Variants in EXTL3 observed in about 807,000 individuals in gnomAD.
EXTL3 encodes the protein exostosin-like 3.
Under a neutral mutation model 69.3 loss-of-function variants are expected in EXTL3, and 27 were observed. The ratio of observed to expected loss-of-function variants is 0.39; its 90% confidence interval spans 0.29 to 0.54. The LOEUF (loss-of-function observed/expected upper bound fraction) is 0.54, where lower values mean the gene tolerates loss of function less well. Among genes scored for constraint, EXTL3 ranks in the 20% least tolerant of loss-of-function variants. The pLI is 0.69. For missense variants in EXTL3, 1,003 were observed against 1,231.8 expected (o/e 0.81, Z 2.78); for synonymous variants, 511 against 499.4 (o/e 1.02, Z -0.31).
intron 1 of EXTL3, among the ~76,000 whole-genome samples, chr8:28,706,340 C>T (rs1398678128): frequency 1.3e-5 from 2 of 152,188 alleles, no homozygotes; most frequent in Non-Finnish European, 1.5e-5. Context: ...ACAAGAGTAC[C>T]TGCCACATTG....
chr8:28,647,253 C>T (rs929520014), intron 1 of EXTL3, among the ~76,000 whole-genome samples: 2 of 151,932 alleles, frequency 1.3e-5, no homozygotes, highest in Non-Finnish European at 2.9e-5. Context: ...TACAGGTTCC[C>T]GCCACCATGC....
At chr8:28,745,091 A>T (rs904476288) in intron 6 of EXTL3, among the ~76,000 whole-genome samples, 5 of 152,140 alleles carry the variant, frequency 3.3e-5, no homozygotes, top group African/African-American at 9.7e-5. Flanking sequence ...TCAGCTACTC[A>T]GGAGGCTGAG....
In EXTL3 at chr8:28,750,163, T is replaced by C. The variant is rs1801973948; in HGVS notation, c.2551-494T>C. ...AATTAATAATAATATGACTAGACTG[T>C]AGTATGGCCACTTTCCCATGGCTTT... On this transcript the variant is annotated intron_variant, in intron 6 of 6. Transcript: ENST00000220562. This position sits in a 1 kb window ranked among gnomAD's most constrained non-coding sequence, Gnocchi z 5.2. Among the ~76,000 whole-genome samples, 1 of 152,244 alleles carries C rather than the reference T, an allele frequency of 6.6e-6. No homozygotes were observed. Among genetic ancestry groups the C allele is most frequent in the Admixed American group, 6.5e-5 (1 of 15,288 alleles).
At chr8:28,621,518 A>G (rs1344587788), upstream of EXTL3, among the ~76,000 whole-genome samples, 1 of 152,244 alleles carries the variant, frequency 6.6e-6, no homozygotes, top group Non-Finnish European at 1.5e-5. Context: ...CAGCAGCGCT[A>G]GCTAACCAAT....
In EXTL3 at chr8:28,731,266, C is replaced by G. The variant is rs763723333; in HGVS notation, c.2192C>G (p.Pro731Arg). 4 of 1,613,942 alleles carry G rather than the reference C, an allele frequency of 2.5e-6. No individual in the cohort carries two copies. The highest frequency in any genetic ancestry group is 3.4e-6 in the Non-Finnish European group (4 of 1,179,954). The part of the protein sequence containing the change: ...EKNSLNNRFL[P>R]WNEIETEAIL... ...AACAGTTTGAACAACCGATTCTTAC[C>G]CTGGAATGAAATTGAGACAGAGGCC... The change falls in exon 4 of 7, where the codon CCC becomes CGC. Residue 731 changes from proline (P) to arginine (R), a missense_variant. Coordinates refer to ENST00000220562, the MANE Select transcript of EXTL3 (RefSeq NM_001440.4).
At chr8:28,738,586 A>G (rs1366032188) in intron 5 of EXTL3, among the ~76,000 whole-genome samples, 1 of 151,828 alleles carries the variant, frequency 6.6e-6, no homozygotes, top group African/African-American at 2.4e-5. Context: ...GGCCCTGAGG[A>G]GTCCCTGTTC....
chr8:28,686,540 T>A (rs1330092108), intron 1 of EXTL3, among the ~76,000 whole-genome samples: 1 of 151,906 alleles, frequency 6.6e-6, no homozygotes, highest in Non-Finnish European at 1.5e-5. Context: ...TGTTTTGGAG[T>A]AAATGGGCTT....
chr8:28,668,038 G>T (rs1162325677), intron 1 of EXTL3, among the ~76,000 whole-genome samples: 1 of 151,894 alleles, frequency 6.6e-6, no homozygotes, highest in Non-Finnish European at 1.5e-5. Flanking sequence ...TGAGGTGGGA[G>T]AATCTCTTGA....
At chr8:28,706,076 A>G (rs1171258857) in intron 1 of EXTL3, among the ~76,000 whole-genome samples, 1 of 152,232 alleles carries the variant, frequency 6.6e-6, no homozygotes, top group Non-Finnish European at 1.5e-5. Context: ...ACCATTGAAA[A>G]GCTTCCTAAT....
chr8:28,652,744 T>C (rs1392308152), intron 1 of EXTL3, among the ~76,000 whole-genome samples: 1 of 152,208 alleles, frequency 6.6e-6, no homozygotes, highest in Non-Finnish European at 1.5e-5. Flanking sequence ...GGTTTTCATT[T>C]GCATTTCCTT....
At chr8:28,617,535 C>T (rs948583739) in intron 2 of EXTL3, among the ~76,000 whole-genome samples, 3 of 152,124 alleles carry the variant, frequency 2.0e-5, no homozygotes, top group African/African-American at 7.2e-5. Context: ...AATCCCAGTA[C>T]TTTGAGAGGC....
At chr8:28,637,633 GAAAA>G (rs994494916) in intron 1 of EXTL3, among the ~76,000 whole-genome samples, 5 of 139,738 alleles carry the variant, frequency 3.6e-5, no homozygotes, top group African/African-American at 1.3e-4. Flanking sequence ...CCCCATGTCT[GAAAA>G]AAAAAACAAT....
At chr8:28,693,878 C>T (rs1347095598) in intron 1 of EXTL3, among the ~76,000 whole-genome samples, 1 of 152,202 alleles carries the variant, frequency 6.6e-6, no homozygotes, top group African/African-American at 2.4e-5. Context: ...CAAAATTGCT[C>T]AGTCATTTAT....
At chr8:28,695,810 G>A (rs917745636) in intron 1 of EXTL3, among the ~76,000 whole-genome samples, 4 of 152,134 alleles carry the variant, frequency 2.6e-5, no homozygotes, top group Non-Finnish European at 4.4e-5. Flanking sequence ...CATAATGGTG[G>A]TGGTGATGGG....
chr8:28,697,179 A>G (rs1020660463), upstream of EXTL3: 4 of 152,194 alleles, frequency 2.6e-5, no homozygotes, highest in African/African-American at 9.7e-5. Flanking sequence ...ATATATTTCT[A>G]TAGATGCTCA....
chr8:28,650,169 C>G (rs936380280), intron 1 of EXTL3, among the ~76,000 whole-genome samples: 2 of 141,608 alleles, frequency 1.4e-5, no homozygotes, highest in South Asian at 4.5e-4. Context: ...GCACTCCAGC[C>G]GGGGTGACAG....
In EXTL3 at chr8:28,690,927, G is replaced by T. The variant is rs146266735; in HGVS notation, c.-52-22530G>T. Reference sequence around the variant, plus strand: ...AATACCAGGGGGCAGGGATCATTGGGGGCCCTTTCAGAGGCTGGCTGCCAT... The same window carrying T: ...AATACCAGGGGGCAGGGATCATTGGTGGCCCTTTCAGAGGCTGGCTGCCAT... On this transcript the variant is annotated intron_variant, in intron 1 of 6. Coordinates refer to the EXTL3 transcript ENST00000523149. Among the ~76,000 whole-genome samples the T allele has an allele frequency of 2.4e-4, 36 of 152,198 alleles. No homozygotes were observed. In the East Asian group the frequency reaches 6.8e-3, roughly 29 times the overall value.
chr8:28,613,501 A>G lies in EXTL3; in HGVS notation n.314+5743A>G, dbSNP rs974715474. Reference sequence around the variant, plus strand: ...CTGGCCCTATGCTATCTTTTATAGAATGAAATGGGAAGTACTCCCGCTGCT... The same window carrying G: ...CTGGCCCTATGCTATCTTTTATAGAGTGAAATGGGAAGTACTCCCGCTGCT... On this transcript the variant is annotated intron_variant and non_coding_transcript_variant, in intron 2 of 4. Transcript: ENST00000522725. Among the ~76,000 whole-genome samples, 5 of 152,148 alleles carry G rather than the reference A, an allele frequency of 3.3e-5. 1 individual carries two copies. The highest frequency in any genetic ancestry group is 7.4e-5 in the Non-Finnish European group (5 of 68,020).
chr8:28,710,623 T>TC (rs1801014137), intron 1 of EXTL3: 2 of 363,624 alleles, frequency 5.5e-6, no homozygotes, highest in South Asian at 4.3e-5. Flanking sequence ...CTTTTTTTTT[T>TC]TTTTTTTGAG....
Sources: allele counts gnomAD v4.1 joint callset (sites outside exome capture counted in the v4.1 genomes callset), GRCh38; gene constraint gnomAD v4.1.1; non-coding constraint Gnocchi (gnomAD v3.1); transcripts MANE v1.5; gene names NCBI Gene and HGNC (gene_info 2026-07-23, HGNC 2026-07-21).